The following KLF17 variants were observed in gnomAD, a reference collection of about 807,000 sequenced individuals.
The protein encoded by KLF17 is KLF transcription factor 17.
A neutral mutation model predicts 34.2 loss-of-function variants in KLF17; 31 were observed. The observed-to-expected ratio is 0.91, with a 90% CI of 0.68 to 1.22. The LOEUF (loss-of-function observed/expected upper bound fraction) is 1.22. KLF17 is among the 50% of genes most tolerant of loss of function. The pLI, the probability that KLF17 is intolerant of heterozygous loss-of-function variation, is 0.00. For synonymous variants in KLF17, 179 were observed against 186.7 expected (o/e 0.96, Z 0.34); for missense variants, 478 against 505.2 (o/e 0.95, Z 0.52).
chr1:44,077,416 C>G, the KLF17 span, among the ~76,000 whole-genome samples: 4 of 152,218 alleles, frequency 2.6e-5, no homozygotes, highest in South Asian at 8.3e-4. Flanking sequence ...TGCTATATAA[C>G]AAATTACTCC....
At chr1:44,052,842 T>A in the KLF17 span, among the ~76,000 whole-genome samples, 2 of 152,030 alleles carry the variant, frequency 1.3e-5, no homozygotes, top group African/African-American at 4.8e-5. Context: ...ATTTATTTTC[T>A]GTTGCAACAA....
At chr1:44,066,171 A>G in the KLF17 span, among the ~76,000 whole-genome samples, 3 of 152,000 alleles carry the variant, frequency 2.0e-5, no homozygotes, top group South Asian at 6.2e-4. Context: ...ATTTTTAAAA[A>G]TAGCTAGGCA....
At chr1:44,107,890 AG>A in the KLF17 span, among the ~76,000 whole-genome samples, 1 of 152,216 alleles carries the variant, frequency 6.6e-6, no homozygotes, top group African/African-American at 2.4e-5. Context: ...CAGCATATAT[AG>A]GGTCTGATAT....
chr1:44,126,523 G>A (rs2154311609), intron 1 of KLF17, among the ~76,000 whole-genome samples: 1 of 152,308 alleles, frequency 6.6e-6, no homozygotes, highest in South Asian at 2.1e-4. Flanking sequence ...ACTTATAACA[G>A]ACAAATGCTG....
intron 1 of KLF17, among the ~76,000 whole-genome samples, chr1:44,124,863 T>A (rs887062773): frequency 6.6e-6 from 1 of 152,162 alleles, no homozygotes; most frequent in African/African-American, 2.4e-5. Flanking sequence ...ACATCCTAGT[T>A]TATAACATTC....
chr1:44,073,191 TTTC>T, the KLF17 span, among the ~76,000 whole-genome samples: 223 of 141,636 alleles, frequency 1.6e-3, no homozygotes, highest in African/African-American at 4.4e-3. Flanking sequence ...TCATGAGAGG[TTTC>T]TTCTTCTTCT....
At chr1:44,085,217 C>A in the KLF17 span, among the ~76,000 whole-genome samples, 1 of 151,996 alleles carries the variant, frequency 6.6e-6, no homozygotes, top group African/African-American at 2.4e-5. Context: ...CCTCATGGAG[C>A]TTATGTTCTA....
the KLF17 span, among the ~76,000 whole-genome samples, chr1:44,050,190 C>T: frequency 3.3e-5 from 5 of 152,212 alleles, no homozygotes; most frequent in African/African-American, 1.2e-4. Flanking sequence ...GTTATTTACA[C>T]CACAGAAATT....
rs967214571 is a variant in KLF17 at position 44,134,752 on chromosome 1, A to G, written c.*1515A>G. On this transcript the variant is annotated 3_prime_UTR_variant, in exon 4 of 4. Transcript: ENST00000372299. Reference sequence around the variant, plus strand: ...AAGGATGTAAGGGAGAGGAAGGGACATAGCAGTATTTCAGGTGAGAGTCAA... The same window carrying G: ...AAGGATGTAAGGGAGAGGAAGGGACGTAGCAGTATTTCAGGTGAGAGTCAA... 4 of 152,306 alleles carry G rather than the reference A, an allele frequency of 2.6e-5. No homozygotes were observed. Among genetic ancestry groups the G allele is most frequent in the Non-Finnish European group, 5.9e-5 (4 of 68,088 alleles). The allele number at this position is 152,306 out of a possible 1,614,324, so 9.4% of individuals were successfully genotyped here.
chr1:44,065,404 G>GTTTT, the KLF17 span, among the ~76,000 whole-genome samples: 4 of 143,678 alleles, frequency 2.8e-5, 1 homozygote, highest in African/African-American at 1.1e-4. Context: ...AATAATCCTT[G>GTTTT]GTTTTTTTTT....
Position 44,135,106 on chromosome 1 carries a change from C to T in KLF17, c.*1869C>T, listed in dbSNP as rs2088153238. 1 of 151,936 alleles carries T rather than the reference C, an allele frequency of 6.6e-6. No individual in the cohort carries two copies. The highest frequency in any genetic ancestry group is 2.4e-5 in the African/African-American group (1 of 41,366). The allele number at this position is 151,936 out of a possible 1,614,324, so 9.4% of individuals were successfully genotyped here. On this transcript the variant is annotated 3_prime_UTR_variant, in exon 4 of 4. Coordinates refer to ENST00000372299, the MANE Select transcript of KLF17 (RefSeq NM_173484.4). ...GGCCAGGAGTTTGAGACCAGTGTGA[C>T]CTTGTCTCTGTAAAAAATAAAATTA...
intron 1 of KLF17, among the ~76,000 whole-genome samples, chr1:44,128,187 T>A (rs1367398048): frequency 6.6e-6 from 1 of 152,164 alleles, no homozygotes; most frequent in Non-Finnish European, 1.5e-5. Flanking sequence ...ACTCAAGTGA[T>A]TCTCCTGCCT....
At chr1:44,049,155 G>A in the KLF17 span, among the ~76,000 whole-genome samples, 19 of 152,152 alleles carry the variant, frequency 1.2e-4, no homozygotes, top group African/African-American at 4.3e-4. Flanking sequence ...TCACAGTGTA[G>A]AGAGAGCATG....
the KLF17 span, among the ~76,000 whole-genome samples, chr1:44,078,804 G>A: frequency 8.6e-3 from 1,301 of 152,046 alleles, 18 homozygotes; most frequent in African/African-American, 0.03. Context: ...CCCCACAACA[G>A]GTGGTTTCCT....
the KLF17 span, among the ~76,000 whole-genome samples, chr1:44,055,875 A>T: frequency 6.6e-6 from 1 of 152,148 alleles, no homozygotes; most frequent in Non-Finnish European, 1.5e-5. Flanking sequence ...GAGAATATAG[A>T]TTTGTTCAGG....
At chr1:44,092,765 T>A in the KLF17 span, among the ~76,000 whole-genome samples, 12 of 151,770 alleles carry the variant, frequency 7.9e-5, no homozygotes, top group African/African-American at 2.9e-4. Context: ...GGGTACAATA[T>A]ATGTGACTTG....
At chr1:44,102,593 CACACACACACACACACACACAG>C in the KLF17 span, among the ~76,000 whole-genome samples, 1 of 117,440 alleles carries the variant, frequency 8.5e-6, no homozygotes, top group Admixed American at 8.9e-5. Context: ...CACACACACA[CACACACACACACACACACACAG>C]AAAAGAAAAA....
chr1:44,087,724 TTATATATATATATATATATATATA>T, the KLF17 span, among the ~76,000 whole-genome samples: 24 of 75,648 alleles, frequency 3.2e-4, no homozygotes, highest in African/African-American at 9.3e-4. Flanking sequence ...CCTATATATT[TTATATATATATATATATATATATA>T]TATATATATA....
chr1:44,064,016 G>A, the KLF17 span, among the ~76,000 whole-genome samples: 30 of 152,276 alleles, frequency 2.0e-4, no homozygotes, highest in Middle Eastern at 6.8e-3. Flanking sequence ...CGGGGCCAGA[G>A]CAGAGTGGAA....
Sources: allele counts gnomAD v4.1 joint callset (sites outside exome capture counted in the v4.1 genomes callset), GRCh38; gene constraint gnomAD v4.1.1; transcripts MANE v1.5; gene names NCBI Gene and HGNC (gene_info 2026-07-23, HGNC 2026-07-21).